The following TMEM33 variants were observed in gnomAD, a reference collection of about 807,000 sequenced individuals.
TMEM33 encodes transmembrane protein 33.
A neutral mutation model predicts 29.7 loss-of-function variants in TMEM33; 16 were observed. The ratio of observed to expected loss-of-function variants is 0.54; its 90% CI spans 0.36 to 0.82. The LOEUF (loss-of-function observed/expected upper bound fraction) is 0.82. Among genes scored for constraint, TMEM33 ranks in the 40% least tolerant of loss-of-function variants. The pLI is 0.00. For missense variants in TMEM33, 252 were observed against 295.3 expected, an observed-to-expected ratio of 0.85 and a Z score of 1.08; for synonymous variants, 112 against 109.4, an observed-to-expected ratio of 1.02 and a Z score of -0.15.
At chr4:41,943,253 A>G (rs7682264) in intron 3 of TMEM33, among the ~76,000 whole-genome samples, 31,058 of 152,120 alleles carry the variant, frequency 0.2, 5,014 homozygotes, top group African/African-American at 0.45. Context: ...GGCCGGGCGC[A>G]GTGACTCACA....
chr4:41,958,700 C>CCTTTTTTTTTTTTTTTTTT lies in TMEM33; in HGVS notation c.*4501_*4502insCTTTTTTTTTTTTTTTTTT, dbSNP rs1560522140. 2 of 93,786 alleles carry CCTTTTTTTTTTTTTTTTTT rather than the reference C, an allele frequency of 2.1e-5. No individual in the cohort carries two copies. The highest frequency in any genetic ancestry group is 4.2e-5 in the Non-Finnish European group (2 of 47,336). The allele number at this position is 93,786 out of a possible 1,614,324, so 5.8% of individuals were successfully genotyped here. A position where few individuals can be genotyped will look rare whatever the true frequency, so the allele number is the denominator to read the frequency against. On this transcript the variant is annotated 3_prime_UTR_variant, in exon 7 of 7. Coordinates refer to ENST00000504986, the MANE Select transcript of TMEM33 (RefSeq NM_018126.3). ...GTAGAGACAACTAGTTTCTCTCGCT[C>CCTTTTTTTTTTTTTTTTTT]TTTTTTTTTTTTTTTTTTTTTTTTT...
In TMEM33 at chr4:41,960,129, C is replaced by G. The variant is rs191946104; in HGVS notation, c.*5930C>G. 3 of 152,246 alleles carry G rather than the reference C, an allele frequency of 2.0e-5. No homozygotes were observed. The highest frequency in any genetic ancestry group is 2.0e-4 in the Admixed American group (3 of 15,284). The allele number at this position is 152,246 out of a possible 1,614,324, so 9.4% of individuals were successfully genotyped here. A position where few individuals can be genotyped will look rare whatever the true frequency, so the allele number is the denominator to read the frequency against. ...TATTTGAGAAAATGTGAAGTCCTTT[C>G]AAGAAAATCTAATAAACATAATAAT... On this transcript the variant is annotated 3_prime_UTR_variant, in exon 7 of 7. Transcript: ENST00000504986.
At chr4:41,935,907 C>T (rs1712208273) in intron 1 of TMEM33, among the ~76,000 whole-genome samples, 1 of 152,134 alleles carries the variant, frequency 6.6e-6, no homozygotes, top group Admixed American at 6.5e-5. Flanking sequence ...ACACGAGTGC[C>T]GGCAAAGAAC....
rs202132561 is a variant in TMEM33, at chr4:41,935,519, C to T, written c.35C>T (p.Ala12Val). The T allele has an allele frequency of 7.7e-5, 124 of 1,608,388 alleles. No homozygotes were observed. The highest frequency in any genetic ancestry group is 9.1e-5 in the Non-Finnish European group (107 of 1,177,530). ...ACGACCCCGAACGGCCCCCAAGGGGCGGGCGCTGTGGTAAGTGCGAGGGCA... is the reference window on the plus strand; with the variant it reads ...ACGACCCCGAACGGCCCCCAAGGGGTGGGCGCTGTGGTAAGTGCGAGGGCA... ...ADTTPNGPQG[A>V]GAVQFMMTNK... Residue 12 changes from alanine (A) to valine (V), a missense_variant, in exon 1 of 7, where the codon GCG becomes GTG. Ala to Val is a moderately conservative substitution (Grantham distance 64). Transcript: ENST00000504986.
chr4:41,940,974 A>T (rs1664649830), intron 3 of TMEM33, among the ~76,000 whole-genome samples: 2 of 152,302 alleles, frequency 1.3e-5, no homozygotes, highest in South Asian at 4.1e-4. Context: ...TTTCTAACTT[A>T]AAAGCTCTAC....
At chr4:41,952,378 T>G (rs772264350) in intron 6 of TMEM33, among the ~76,000 whole-genome samples, 2 of 152,322 alleles carry the variant, frequency 1.3e-5, no homozygotes, top group Admixed American at 6.5e-5. Flanking sequence ...AAAGGTAGAA[T>G]AGTAGTTGCA....
chr4:41,958,325 G>A lies in TMEM33; in HGVS notation c.*4126G>A, dbSNP rs1178185631. 1 of 152,144 alleles carries A rather than the reference G, an allele frequency of 6.6e-6. No homozygotes were observed. Among genetic ancestry groups the A allele is most frequent in the Non-Finnish European group, 1.5e-5 (1 of 68,038 alleles). The allele number at this position is 152,144 out of a possible 1,614,324, so 9.4% of individuals were successfully genotyped here. On this transcript the variant is annotated 3_prime_UTR_variant, in exon 7 of 7. Coordinates refer to ENST00000504986, the MANE Select transcript of TMEM33 (RefSeq NM_018126.3). ...GCCTGGCTTGCATTTTTAAAATACT[G>A]AATTATTCAAAAGAAGTACCCTGTC...
rs1507086 is a variant in TMEM33 at position 41,954,396 on chromosome 4, C to T, written c.*197C>T. On this transcript the variant is annotated 3_prime_UTR_variant, in exon 7 of 7. Coordinates refer to ENST00000504986, the MANE Select transcript of TMEM33 (RefSeq NM_018126.3). ...AAAAAGTTTTGAGAAAATTTTACTG[C>T]GCTGTGTTGCTAATGGTTAAAGAAG... 0.71 allele frequency: 368,703 copies of T among 518,646 alleles called. 141,063 individuals are homozygous for T. The highest frequency in any genetic ancestry group is 0.97 in the East Asian group (28,446 of 29,470). 32.1% of individuals were successfully genotyped at this position (518,646 alleles called of 1,614,324 possible).
chr4:41,960,184 C>A lies in TMEM33; in HGVS notation c.*5985C>A, dbSNP rs1199773774. ...GCCTGCTGACACTAAGGAAAAAGGA[C>A]CTCATTCACTCTTTCTTTTATGCAG... On this transcript the variant is annotated 3_prime_UTR_variant, in exon 7 of 7. Transcript: ENST00000504986. 1.3e-5 allele frequency: 2 copies of A among 152,070 alleles called. No individual in the cohort carries two copies. Among genetic ancestry groups the A allele is most frequent in the African/African-American group, 4.8e-5 (2 of 41,432 alleles). 9.4% of individuals were successfully genotyped at this position (152,070 alleles called of 1,614,324 possible).
At chr4:41,949,221 CA>C in intron 5 of TMEM33, 80 bp from the exon 6 acceptor site, 2 of 849,204 alleles carry the variant, frequency 2.4e-6, no homozygotes. Context: ...ACATATTCTC[CA>C]GTTGAATTGC....
At chr4:41,938,281 A>G (rs924029423) in intron 1 of TMEM33, among the ~76,000 whole-genome samples, 2 of 152,210 alleles carry the variant, frequency 1.3e-5, no homozygotes, top group Admixed American at 6.5e-5. Context: ...GAACACAGAC[A>G]ATTGTAGTTG....
Position 41,954,326 on chromosome 4 carries a change from C to CT in TMEM33, c.*128dup. 2.0e-6 allele frequency: 2 copies of CT among 1,004,058 alleles called. No individual in the cohort carries two copies. The highest frequency in any genetic ancestry group is 2.7e-6 in the Non-Finnish European group (2 of 728,070). The allele number at this position is 1,004,058 out of a possible 1,614,324, so 62.2% of individuals were successfully genotyped here. ...ATTTACATAATTTACATAAATGCATCTCGGTGGAAAAATAATCATTTTCTT... is the reference window on the plus strand; with the variant it reads ...ATTTACATAATTTACATAAATGCATCTTCGGTGGAAAAATAATCATTTTCTT... On this transcript the variant is annotated 3_prime_UTR_variant, in exon 7 of 7. Coordinates refer to ENST00000504986, the MANE Select transcript of TMEM33 (RefSeq NM_018126.3).
chr4:41,935,364 G>T (rs548377717), upstream of TMEM33: 38 of 1,095,628 alleles, frequency 3.5e-5, no homozygotes, highest in African/African-American at 5.6e-4. Context: ...GGTGCATCCG[G>T]CCTGTGTGTG....
At chr4:41,945,166 A>G (rs992515250) in intron 5 of TMEM33, among the ~76,000 whole-genome samples, 3 of 152,208 alleles carry the variant, frequency 2.0e-5, no homozygotes, top group East Asian at 3.8e-4. Flanking sequence ...AATTACTTTC[A>G]TAGTTACCAC....
In TMEM33 at chr4:41,943,805, G is replaced by A. The variant is rs753017641; in HGVS notation, c.387G>A (p.Lys129=). The part of the protein sequence containing the change: ...SLLHAATYTK[K]VLDARGSNSL... ...TTCATGCTGCCACATATACGAAAAA[G>A]GTCCTTGACGTAAGTAAAACTGCTC... Residue 129 remains lysine, a synonymous_variant, in exon 4 of 7, where the codon AAG becomes AAA. Transcript: ENST00000504986. 2.6e-5 allele frequency: 42 copies of A among 1,613,608 alleles called. No individual in the cohort carries two copies. Among genetic ancestry groups the A allele is most frequent in the Non-Finnish European group, 1.7e-6 (2 of 1,179,824 alleles).
chr4:41,944,954 A>C, intron 5 of TMEM33, 28 bp downstream of exon 5: 1 of 1,606,028 alleles, frequency 6.2e-7, no homozygotes, highest in Non-Finnish European at 8.5e-7. Flanking sequence ...TTGTTTTGGG[A>C]GGCTGATGAC....
At chr4:41,937,867 GA>G (rs1422191417) in intron 1 of TMEM33, among the ~76,000 whole-genome samples, 1 of 152,110 alleles carries the variant, frequency 6.6e-6, no homozygotes, top group African/African-American at 2.4e-5. Context: ...AATGGGGGAA[GA>G]AAATGGTATA....
Position 41,954,758 on chromosome 4 carries a change from T to C in TMEM33, c.*559T>C, listed in dbSNP as rs997596550. On this transcript the variant is annotated 3_prime_UTR_variant, in exon 7 of 7. Transcript: ENST00000504986. Reference sequence around the variant, plus strand: ...ACCATTATAAGAAGAATTCTATGTATCTTAAACTATGATCTTCTAAAATTT... The same window carrying C: ...ACCATTATAAGAAGAATTCTATGTACCTTAAACTATGATCTTCTAAAATTT... 2 of 152,662 alleles carry C rather than the reference T, an allele frequency of 1.3e-5. No individual in the cohort carries two copies. The highest frequency in any genetic ancestry group is 1.3e-4 in the Admixed American group (2 of 15,290). The allele number at this position is 152,662 out of a possible 1,614,324, so 9.5% of individuals were successfully genotyped here.
At chr4:41,945,986 A>G (rs1200130736) in intron 5 of TMEM33, among the ~76,000 whole-genome samples, 2 of 150,778 alleles carry the variant, frequency 1.3e-5, no homozygotes, top group Non-Finnish European at 3.0e-5. Context: ...AAAAAAAAAA[A>G]AAAAAGAAAA....
Sources: gnomAD v4.1 joint callset for allele counts (sites outside exome capture counted in the v4.1 genomes callset) on GRCh38, gnomAD v4.1.1 for gene constraint, MANE v1.5 for transcripts, NCBI Gene and HGNC (gene_info 2026-07-23, HGNC 2026-07-21) for gene names.